The following CHST11 variants were observed in gnomAD, a reference collection of about 807,000 sequenced individuals.
CHST11 encodes carbohydrate sulfotransferase 11.
CHST11 carries 9 observed loss-of-function variants against 30.4 expected under a neutral mutation model. The ratio of observed to expected loss-of-function variants is 0.30; its 90% CI spans 0.18 to 0.52. The LOEUF is 0.52. Ranked by LOEUF, CHST11 falls within the 20% of genes least tolerant of loss-of-function variation. The probability of loss-of-function intolerance (pLI) is 0.97; values close to 1 mark genes in which losing one functional copy is unlikely to be tolerated. For missense variants in CHST11, 348 were observed against 460.6 expected (o/e 0.76, Z 2.24); for synonymous variants, 152 against 187.8 (o/e 0.81, Z 1.56).
In CHST11 at chr12:104,757,863, G is replaced by C. The variant is rs2040493041; in HGVS notation, c.*60G>C. 3 of 1,446,836 alleles carry C rather than the reference G, an allele frequency of 2.1e-6. No homozygotes were observed. Among genetic ancestry groups the C allele is most frequent in the Non-Finnish European group, 2.8e-6 (3 of 1,066,222 alleles). 89.6% of individuals were successfully genotyped at this position (1,446,836 alleles called of 1,614,324 possible). ...AATTTAAGATTTTTATTTGTCAAAA[G>C]AATTATATGGATATTGGGTTATTTT... On this transcript the variant is annotated 3_prime_UTR_variant, in exon 3 of 3. Transcript: ENST00000303694. The surrounding 1 kb of genome is among the most constrained non-coding windows in gnomAD (Gnocchi z 6.5).
intron 2 of CHST11, among the ~76,000 whole-genome samples, chr12:104,698,308 C>A (rs898333020): frequency 1.3e-5 from 2 of 152,178 alleles, no homozygotes; most frequent in African/African-American, 4.8e-5. Context: ...TGACTCCAAG[C>A]ACTTGATGAC....
At chr12:104,751,030 G>C (rs2040427941) in intron 2 of CHST11, among the ~76,000 whole-genome samples, 1 of 152,048 alleles carries the variant, frequency 6.6e-6, no homozygotes, top group African/African-American at 2.4e-5. Flanking sequence ...CCCTTAAACT[G>C]CTGTGGAGAA....
intron 1 of CHST11, among the ~76,000 whole-genome samples, chr12:104,468,123 G>C (rs577527872): frequency 6.1e-4 from 93 of 152,022 alleles, no homozygotes; most frequent in African/African-American, 2.2e-3. Flanking sequence ...CAAATGCTAC[G>C]GGAGGCGGGG....
chr12:104,744,229 A>T (rs1166759462), intron 2 of CHST11, among the ~76,000 whole-genome samples: 2 of 152,242 alleles, frequency 1.3e-5, no homozygotes, highest in African/African-American at 4.8e-5. Flanking sequence ...CCAACAGTGT[A>T]TAAGTGTTCC....
intron 1 of CHST11, among the ~76,000 whole-genome samples, chr12:104,504,760 G>A (rs538966817): frequency 7.6e-4 from 115 of 152,250 alleles, no homozygotes; most frequent in African/African-American, 2.4e-3. Context: ...GAGCCCAGGA[G>A]TTGGAGACCA....
intron 1 of CHST11, among the ~76,000 whole-genome samples, chr12:104,569,666 T>C (rs1049058891): frequency 2.6e-5 from 4 of 152,152 alleles, no homozygotes; most frequent in Admixed American, 2.0e-4. Context: ...GGGCCCAGAT[T>C]CTAGGGGATG....
chr12:104,735,060 A>G (rs2040289414), intron 2 of CHST11, among the ~76,000 whole-genome samples: 1 of 152,248 alleles, frequency 6.6e-6, no homozygotes, highest in South Asian at 2.1e-4. Context: ...AGGGGATTCC[A>G]GGATGAGCAA....
At chr12:104,525,399 T>G (rs933438094) in intron 1 of CHST11, among the ~76,000 whole-genome samples, 37 of 152,356 alleles carry the variant, frequency 2.4e-4, no homozygotes, top group African/African-American at 8.2e-4. Context: ...AAAGGCCAGT[T>G]GAGAAGAAGA....
chr12:104,669,626 C>T (rs1365291130), intron 2 of CHST11, among the ~76,000 whole-genome samples: 4 of 152,166 alleles, frequency 2.6e-5, no homozygotes, highest in South Asian at 2.1e-4. Flanking sequence ...CTAACTCATG[C>T]GCAGTAAACG....
intron 1 of CHST11, among the ~76,000 whole-genome samples, chr12:104,561,900 C>T (rs549376448): frequency 1.3e-4 from 20 of 151,862 alleles, no homozygotes; most frequent in African/African-American, 3.9e-4. Flanking sequence ...AAGCGATTCT[C>T]CTGCCTCAGC....
At chr12:104,580,325 G>T (rs577322351) in intron 1 of CHST11, among the ~76,000 whole-genome samples, 1 of 152,294 alleles carries the variant, frequency 6.6e-6, no homozygotes, top group Admixed American at 6.5e-5. Context: ...AGCCAAAAGC[G>T]TTCACTGTAT....
At chr12:104,654,300 C>G (rs2039521718) in intron 2 of CHST11, among the ~76,000 whole-genome samples, 1 of 152,158 alleles carries the variant, frequency 6.6e-6, no homozygotes, top group African/African-American at 2.4e-5. Context: ...CAAAAATTTT[C>G]CATTGAGTCC....
intron 1 of CHST11, among the ~76,000 whole-genome samples, chr12:104,579,162 G>A (rs117975146): frequency 6.0e-4 from 91 of 152,314 alleles, no homozygotes; most frequent in Admixed American, 1.3e-3. Context: ...TAAGCTTGGC[G>A]AGGGTTGGGT....
intron 1 of CHST11, among the ~76,000 whole-genome samples, chr12:104,521,682 C>T (rs976118005): frequency 3.9e-5 from 6 of 152,272 alleles, no homozygotes; most frequent in Admixed American, 1.3e-4. Context: ...AGGTGTCCTG[C>T]GTAACGGTGT....
chr12:104,549,935 A>G (rs1452192681), intron 1 of CHST11, among the ~76,000 whole-genome samples: 6 of 152,166 alleles, frequency 3.9e-5, no homozygotes, highest in Non-Finnish European at 7.3e-5. Flanking sequence ...TTTGGAAGAC[A>G]TGGACCCTGT....
chr12:104,543,703 A>G (rs1205975428), intron 1 of CHST11, among the ~76,000 whole-genome samples: 1 of 152,122 alleles, frequency 6.6e-6, no homozygotes, highest in Non-Finnish European at 1.5e-5. Flanking sequence ...CACTGAAGTC[A>G]CTGTATACTT....
intron 1 of CHST11, among the ~76,000 whole-genome samples, chr12:104,546,461 CA>C (rs760073702): frequency 0.053 from 3,553 of 66,796 alleles, 92 homozygotes; most frequent in African/African-American, 0.12. Context: ...GACCCTGTCT[CA>C]AAAAAAAAAA....
At chr12:104,464,457 C>T (rs560961539) in intron 1 of CHST11, among the ~76,000 whole-genome samples, 4 of 152,222 alleles carry the variant, frequency 2.6e-5, no homozygotes, top group South Asian at 2.1e-4. Context: ...CTACCACCTG[C>T]TCCCCCTTGA....
rs545251538 is a variant in CHST11 at position 104,687,788 on chromosome 12, A to T, written c.205-69161A>T. 9.0e-3 allele frequency among the ~76,000 whole-genome samples: 1,367 copies of T among 151,402 alleles called. 15 individuals are homozygous for T. Among genetic ancestry groups the T allele is most frequent in the South Asian group, 0.043 (207 of 4,800 alleles). The stretch of plus-strand genomic sequence containing the variant: ...AACAGCGGCCCCCGCCCCCCCCAAA[A>T]TTTTTTTTTCCCTTTGCAGCTTTGG... On this transcript the variant is annotated intron_variant, in intron 2 of 2. Coordinates refer to ENST00000303694, the MANE Select transcript of CHST11 (RefSeq NM_018413.6).
Sources: gnomAD v4.1 joint callset for allele counts (sites outside exome capture counted in the v4.1 genomes callset) on GRCh38, gnomAD v4.1.1 for gene constraint, Gnocchi (gnomAD v3.1) non-coding constraint, MANE v1.5 for transcripts, NCBI Gene and HGNC (gene_info 2026-07-23, HGNC 2026-07-21) for gene names.